The following DISC1 variants were observed in gnomAD, a reference collection of about 807,000 sequenced individuals.
DISC1 encodes the protein disrupted in schizophrenia 1 protein.
A neutral mutation model predicts 84.5 loss-of-function variants in DISC1; 57 were observed. The ratio of observed to expected loss-of-function variants is 0.67; its 90% confidence interval spans 0.55 to 0.84. The LOEUF (loss-of-function observed/expected upper bound fraction) is 0.84, where lower values mean the gene tolerates loss of function less well. Ranked by LOEUF, DISC1 falls within the 40% of genes least tolerant of loss-of-function variation. DISC1 has a pLI of 0.00. For missense variants in DISC1, 1,000 were observed against 1,057.8 expected (o/e 0.95, Z 0.76); for synonymous variants, 411 against 415.2 (o/e 0.99, Z 0.12).
chr1:231,636,165 C>G (rs1277731521), intron 1 of DISC1, among the ~76,000 whole-genome samples: 1 of 152,224 alleles, frequency 6.6e-6, no homozygotes, highest in African/African-American at 2.4e-5. Context: ...ATGAAATATG[C>G]TGCTCTTCAT....
At chr1:231,861,673 G>A (rs1480756019) in intron 9 of DISC1, among the ~76,000 whole-genome samples, 1 of 151,996 alleles carries the variant, frequency 6.6e-6, no homozygotes, top group African/African-American at 2.4e-5. Context: ...ATTTGATGAT[G>A]CCATTCAATA....
intron 10 of DISC1, among the ~76,000 whole-genome samples, chr1:232,001,486 A>T (rs2102965559): frequency 6.6e-6 from 1 of 152,332 alleles, no homozygotes; most frequent in Admixed American, 6.5e-5. Context: ...CCACCAGCAT[A>T]TTGTAATACA....
intron 10 of DISC1, among the ~76,000 whole-genome samples, chr1:231,969,788 C>G (rs1661682669): frequency 6.6e-6 from 1 of 151,832 alleles, no homozygotes; most frequent in Non-Finnish European, 1.5e-5. Flanking sequence ...TGTGATGTTC[C>G]CCTTCCTGTG....
chr1:232,006,973 G>A (rs923930507), intron 10 of DISC1, among the ~76,000 whole-genome samples: 2 of 152,188 alleles, frequency 1.3e-5, no homozygotes, highest in African/African-American at 4.8e-5. Context: ...AGCTCAGCCT[G>A]TTGCTTCAGA....
At chr1:231,773,101 G>A (rs138930475) in intron 6 of DISC1, among the ~76,000 whole-genome samples, 2 of 152,278 alleles carry the variant, frequency 1.3e-5, no homozygotes, top group African/African-American at 4.8e-5. Flanking sequence ...GCTAGTAAGA[G>A]ACCATCTTGT....
At position 231,638,262 on chromosome 1, in the gene DISC1, T is replaced by C. The variant is rs1315558166; in HGVS notation, c.67+11328T>C. On this transcript the variant is annotated intron_variant, in intron 1 of 12. Transcript: ENST00000439617. Reference sequence around the variant, plus strand: ...GGATGCATAGTTTGCAAATATTTTCTCACATTCTGCAGGTTGTCTCTTAAG... The same window carrying C: ...GGATGCATAGTTTGCAAATATTTTCCCACATTCTGCAGGTTGTCTCTTAAG... Among the ~76,000 whole-genome samples, 3 of 152,240 alleles carry C rather than the reference T, an allele frequency of 2.0e-5. No homozygotes were observed. The East Asian group carries it at 5.8e-4, about 29-fold the overall frequency.
In DISC1 at chr1:231,723,035, G is replaced by A. The variant is rs1436034762; in HGVS notation, c.1117+21011G>A. On this transcript the variant is annotated intron_variant, in intron 3 of 12. Transcript: ENST00000439617. ...ATGAAGGAATCATTTTCCCCTTGGTGGCAATATGTACTACAGTTGTCCCTT... is the reference window on the plus strand; with the variant it reads ...ATGAAGGAATCATTTTCCCCTTGGTAGCAATATGTACTACAGTTGTCCCTT... The A allele has an allele frequency of 3.6e-6, 4 of 1,100,454 alleles. No homozygotes were observed. In the East Asian group the frequency reaches 2.7e-4, roughly 75 times the overall value. 68.2% of individuals were successfully genotyped at this position (1,100,454 alleles called of 1,614,324 possible).
At chr1:231,875,770 T>G (rs902928549) in intron 9 of DISC1, among the ~76,000 whole-genome samples, 1 of 152,172 alleles carries the variant, frequency 6.6e-6, no homozygotes, top group African/African-American at 2.4e-5. Context: ...CCTTCCAACT[T>G]TCTCCTAAGG....
chr1:231,782,042 A>G lies in DISC1; in HGVS notation c.1634+10972A>G, dbSNP rs150412125. On this transcript the variant is annotated intron_variant, in intron 6 of 12. Transcript: ENST00000439617. Reference sequence around the variant, plus strand: ...TGCTAAGATGACCCAAAGCAAAGCCAGACAGAACCTCTAGATTTCCTGTAG... The same window carrying G: ...TGCTAAGATGACCCAAAGCAAAGCCGGACAGAACCTCTAGATTTCCTGTAG... 2.0e-5 allele frequency among the ~76,000 whole-genome samples: 3 copies of G among 152,386 alleles called. No individual in the cohort carries two copies. The East Asian group carries it at 5.8e-4, about 29-fold the overall frequency.
intron 5 of DISC1, 47 bp downstream of exon 5, chr1:231,767,316 T>C: frequency 6.2e-7 from 1 of 1,610,948 alleles, no homozygotes; most frequent in Non-Finnish European, 8.5e-7. Context: ...ATTTTTCTTT[T>C]CTTTGAGACA....
rs756702307 is a variant in DISC1 at position 232,036,726 on chromosome 1, A to G, written c.2460A>G (p.Glu820=). 27 of 1,605,286 alleles carry G rather than the reference A, an allele frequency of 1.7e-5. No homozygotes were observed. The highest frequency in any genetic ancestry group is 2.0e-5 in the Non-Finnish European group (24 of 1,173,402). The part of the protein sequence containing the change: ...SLRRELQMVK[E]TLQAMILQLQ... ...GGAGGGAGCTCCAGATGGTGAAGGA[A>G]ACTCTGCAGGCCATGATCCTGCAGC... The change falls in exon 13 of 13, where the codon GAA becomes GAG. Residue 820 remains glutamate, a synonymous_variant. Transcript: ENST00000439617.
At chr1:231,930,601 A>G (rs894915814) in intron 9 of DISC1, among the ~76,000 whole-genome samples, 3 of 152,126 alleles carry the variant, frequency 2.0e-5, no homozygotes, top group African/African-American at 7.2e-5. Flanking sequence ...CCTCTACCCC[A>G]TATGGCTCAC....
intron 10 of DISC1, among the ~76,000 whole-genome samples, chr1:231,981,450 T>C (rs1663594210): frequency 6.6e-6 from 1 of 152,202 alleles, no homozygotes; most frequent in South Asian, 2.1e-4. Context: ...GCAGATCCCC[T>C]GGGTTTTAGA....
At chr1:231,963,466 A>T (rs1429228263) in intron 10 of DISC1, among the ~76,000 whole-genome samples, 1 of 152,088 alleles carries the variant, frequency 6.6e-6, no homozygotes, top group East Asian at 1.9e-4. Flanking sequence ...TGCCCTTGAC[A>T]CACAGGCATA....
At chr1:231,814,309 A>G (rs976452543) in intron 8 of DISC1, among the ~76,000 whole-genome samples, 2 of 152,236 alleles carry the variant, frequency 1.3e-5, no homozygotes, top group Non-Finnish European at 2.9e-5. Context: ...AGGAGACAAC[A>G]ATATGAATTT....
At chr1:231,920,021 G>A (rs2089899419) in intron 9 of DISC1, among the ~76,000 whole-genome samples, 1 of 152,034 alleles carries the variant, frequency 6.6e-6, no homozygotes, top group Non-Finnish European at 1.5e-5. Flanking sequence ...TTGCTGTAGG[G>A]GGTGTCCCGC....
chr1:231,985,621 T>A (rs976910159), intron 10 of DISC1, among the ~76,000 whole-genome samples: 1 of 152,216 alleles, frequency 6.6e-6, no homozygotes, highest in Admixed American at 6.5e-5. Context: ...GAAGCCTTTG[T>A]TTGTAACCAG....
intron 9 of DISC1, among the ~76,000 whole-genome samples, chr1:231,955,037 G>C (rs895182815): frequency 3.3e-5 from 5 of 152,184 alleles, no homozygotes; most frequent in African/African-American, 9.6e-5. Flanking sequence ...CAAATACTTA[G>C]CATTCAGTTT....
At chr1:231,871,118 C>T (rs995103918) in intron 9 of DISC1, among the ~76,000 whole-genome samples, 2 of 152,196 alleles carry the variant, frequency 1.3e-5, no homozygotes, top group African/African-American at 4.8e-5. Context: ...TGACTGCACT[C>T]ATTGATGCAG....
Sources: allele counts gnomAD v4.1 joint callset (sites outside exome capture counted in the v4.1 genomes callset), GRCh38; gene constraint gnomAD v4.1.1; transcripts MANE v1.5; gene names NCBI Gene and HGNC (gene_info 2026-07-23, HGNC 2026-07-21).